The following PTPRJ variants were observed in gnomAD, a reference collection of about 807,000 sequenced individuals.
PTPRJ encodes the protein protein tyrosine phosphatase receptor type J, also known as receptor-type tyrosine-protein phosphatase eta.
PTPRJ carries 129 observed loss-of-function variants against 141.3 expected under a neutral mutation model. The ratio of observed to expected loss-of-function variants is 0.91; its 90% CI spans 0.79 to 1.06. The LOEUF is 1.06. Among genes scored for constraint, PTPRJ ranks in the 50% least tolerant of loss-of-function variants. The pLI is 0.00. For synonymous variants in PTPRJ, 610 were observed against 640.5 expected (o/e 0.95, Z 0.72); for missense variants, 1,601 against 1,679.7 (o/e 0.95, Z 0.82).
intron 1 of PTPRJ, among the ~76,000 whole-genome samples, chr11:48,097,030 A>G (rs1590498363): frequency 6.6e-6 from 1 of 151,902 alleles, no homozygotes; most frequent in Non-Finnish European, 1.5e-5. Flanking sequence ...CCTTCAGCCC[A>G]CCCTCCTGTT....
chr11:48,101,502 T>G (rs1309265739), intron 1 of PTPRJ, among the ~76,000 whole-genome samples: 1 of 152,254 alleles, frequency 6.6e-6, no homozygotes, highest in Non-Finnish European at 1.5e-5. Flanking sequence ...AACCCTTGGC[T>G]TTCTGGCCAG....
intron 1 of PTPRJ, among the ~76,000 whole-genome samples, chr11:48,040,612 C>G (rs113850087): frequency 1.5e-5 from 2 of 135,420 alleles, no homozygotes; most frequent in Admixed American, 1.5e-4. Flanking sequence ...TCTTCTTCTT[C>G]TTTTTTTTTT....
chr11:48,059,509 C>T (rs1222140186), intron 1 of PTPRJ, among the ~76,000 whole-genome samples: 1 of 152,168 alleles, frequency 6.6e-6, no homozygotes, highest in Non-Finnish European at 1.5e-5. Flanking sequence ...GGATGCTGGT[C>T]TGTTAGTTGA....
chr11:48,093,852 T>C (rs900031778), intron 1 of PTPRJ, among the ~76,000 whole-genome samples: 1 of 151,430 alleles, frequency 6.6e-6, no homozygotes, highest in African/African-American at 2.4e-5. Flanking sequence ...TGCTAATGGC[T>C]CCTGCGGCTC....
rs1857859802 is a variant in PTPRJ at position 48,164,385 on chromosome 11, G to A, written c.3725G>A (p.Gly1242Glu). The A allele has an allele frequency of 6.2e-7, 1 of 1,613,852 alleles. No homozygotes were observed. Among genetic ancestry groups the A allele is most frequent in the Non-Finnish European group, 8.5e-7 (1 of 1,179,918 alleles). ...ESPILVHCSA[G>E]VGRTGTFIAI... ...TTATTTCTCTTTTCTCTCAGTGCTG[G>A]GGTCGGAAGGACGGGCACTTTCATT... The change falls in exon 24 of 25, where the codon GGG becomes GAG. Residue 1242 changes from glycine to glutamate, a missense_variant. Physicochemically the swap from Gly to Glu is moderately conservative, Grantham distance 98 (BLOSUM62 -2). Coordinates refer to ENST00000418331, the MANE Select transcript of PTPRJ (RefSeq NM_002843.4).
intron 14 of PTPRJ, 86 bp from the exon 15 acceptor site, chr11:48,146,790 G>A: frequency 1.1e-6 from 1 of 951,754 alleles, no homozygotes; most frequent in Non-Finnish European, 1.7e-6. Context: ...TAACTCTCTG[G>A]TGTTAGGGTC....
chr11:48,130,536 G>A lies in PTPRJ; in HGVS notation c.1435G>A (p.Ala479Thr), dbSNP rs1348504987. The A allele has an allele frequency of 1.9e-6, 3 of 1,614,078 alleles. No individual in the cohort carries two copies. In the Admixed American group the frequency reaches 5.0e-5, roughly 27 times the overall value. The change falls in exon 8 of 25, where the codon GCA (alanine) becomes ACA (threonine). Residue 479 changes from alanine (A) to threonine (T), a missense_variant. Physicochemically the swap from Ala to Thr is moderately conservative, Grantham distance 58. Transcript: ENST00000418331. ...CGGCTTAGCATGGAGCAGCCATGAT[G>A]CAGAATCATTTCAGATGCATATCAC... is the stretch of plus-strand genomic sequence containing the variant. ...EIGLAWSSHD[A>T]ESFQMHITQE...
At chr11:48,139,394 C>G in intron 10 of PTPRJ, 92 bp from the exon 11 acceptor site, 1 of 1,387,946 alleles carries the variant, frequency 7.2e-7, no homozygotes, top group Non-Finnish European at 9.9e-7. Context: ...ACCCACCCAC[C>G]TTCTCATCCC....
chr11:48,049,684 A>C (rs1465986359), intron 1 of PTPRJ, among the ~76,000 whole-genome samples: 1 of 150,436 alleles, frequency 6.6e-6, no homozygotes, highest in Non-Finnish European at 1.5e-5. Context: ...ATTGCACTCC[A>C]GCCTGGGCGA....
Position 48,130,618 on chromosome 11 carries a change from T to A in PTPRJ, c.1517T>A (p.Ile506Asn). Residue 506 changes from isoleucine to asparagine, a missense_variant, in exon 8 of 25, where the codon ATT (isoleucine) becomes AAT (asparagine). Physicochemically the swap from Ile to Asn is moderately radical, Grantham distance 149 (BLOSUM62 -3). Coordinates refer to ENST00000418331, the MANE Select transcript of PTPRJ (RefSeq NM_002843.4). ...ATAACCACCAACCAAAGTATTATCA[T>A]TGGTGGCTTGTTCCCTGGAACCAAG... ...VEITTNQSII[I>N]GGLFPGTKYC... 6.2e-7 allele frequency: 1 copy of A among 1,614,050 alleles called. No individual in the cohort carries two copies. Among genetic ancestry groups the A allele is most frequent in the Non-Finnish European group, 8.5e-7 (1 of 1,180,000 alleles).
chr11:48,088,396 A>G (rs2904315), intron 1 of PTPRJ, among the ~76,000 whole-genome samples: 86,450 of 152,034 alleles, frequency 0.57, 28,381 homozygotes, highest in East Asian at 0.8. Context: ...GCCATAAATT[A>G]TCTTGTGGGA....
chr11:48,088,973 A>G (rs1423494079), intron 1 of PTPRJ, among the ~76,000 whole-genome samples: 1 of 152,106 alleles, frequency 6.6e-6, no homozygotes, highest in Non-Finnish European at 1.5e-5. Flanking sequence ...ATCATCTATT[A>G]TTTATTCAGG....
At chr11:48,018,214 T>C (rs1290285200) in intron 1 of PTPRJ, among the ~76,000 whole-genome samples, 2 of 152,170 alleles carry the variant, frequency 1.3e-5, no homozygotes, top group Non-Finnish European at 2.9e-5. Context: ...CAAAGGATTT[T>C]GTAACCCTTT....
chr11:48,148,606 T>G (rs962353657), intron 15 of PTPRJ, among the ~76,000 whole-genome samples: 4 of 152,180 alleles, frequency 2.6e-5, no homozygotes, highest in Admixed American at 2.6e-4. Context: ...CCTGGCTATT[T>G]TTTTTGTATT....
At chr11:48,002,408 G>T (rs1183768580) in intron 1 of PTPRJ, among the ~76,000 whole-genome samples, 1 of 151,982 alleles carries the variant, frequency 6.6e-6, no homozygotes, top group African/African-American at 2.4e-5. Context: ...AAAATGCTGG[G>T]ATTACAGGCA....
rs78343845 is a variant in PTPRJ, at chr11:48,098,337, C to T, written c.97-11721C>T. On this transcript the variant is annotated intron_variant, in intron 1 of 24. Coordinates refer to ENST00000418331, the MANE Select transcript of PTPRJ (RefSeq NM_002843.4). ...CCTCAACAGTTTCTACTGTAACTAGCGGGATAAGGTAAATCTATGGAAATG... is the reference window on the plus strand; with the variant it reads ...CCTCAACAGTTTCTACTGTAACTAGTGGGATAAGGTAAATCTATGGAAATG... Among the ~76,000 whole-genome samples the T allele has an allele frequency of 3.2e-3, 483 of 152,252 alleles. 3 individuals are homozygous for T. Among genetic ancestry groups the T allele is most frequent in the African/African-American group, 0.011 (461 of 41,504 alleles).
chr11:48,131,158 A>C (rs1260575130), intron 8 of PTPRJ, among the ~76,000 whole-genome samples: 1 of 137,972 alleles, frequency 7.2e-6, no homozygotes, highest in Admixed American at 8.2e-5. Flanking sequence ...GCTCACTGCA[A>C]CCTCCATCTC....
rs573723863 is a variant in PTPRJ, at chr11:48,126,045, G to A, written c.1093+859G>A. Reference sequence around the variant, plus strand: ...TGGGTTAGTTGGAGGAGGAGGAAGGGGCTCCTATGTGGGTGCGGTTGGCAG... The same window carrying A: ...TGGGTTAGTTGGAGGAGGAGGAAGGAGCTCCTATGTGGGTGCGGTTGGCAG... On this transcript the variant is annotated intron_variant, in intron 6 of 24. Coordinates refer to ENST00000418331, the MANE Select transcript of PTPRJ (RefSeq NM_002843.4). Among the ~76,000 whole-genome samples, 15 of 152,172 alleles carry A rather than the reference G, an allele frequency of 9.9e-5. No individual in the cohort carries two copies. In the East Asian group the frequency reaches 1.7e-3, roughly 18 times the overall value.
chr11:48,103,458 C>CA (rs1234777184), intron 1 of PTPRJ, among the ~76,000 whole-genome samples: 4 of 151,458 alleles, frequency 2.6e-5, no homozygotes, highest in African/African-American at 4.9e-5. Context: ...GATCCTGTCT[C>CA]AAAAAAACAA....
Sources: gnomAD v4.1 joint callset for allele counts (sites outside exome capture counted in the v4.1 genomes callset) on GRCh38, gnomAD v4.1.1 for gene constraint, MANE v1.5 for transcripts, NCBI Gene and HGNC (gene_info 2026-07-23, HGNC 2026-07-21) for gene names.